Variants in SLC9C2 observed in about 807,000 individuals in gnomAD.
SLC9C2 encodes the protein sodium/hydrogen exchanger 11.
A neutral mutation model predicts 140.2 loss-of-function variants in SLC9C2; 75 were observed. The ratio of observed to expected loss-of-function variants is 0.53; its 90% CI spans 0.44 to 0.65. The LOEUF is 0.65. Among genes scored for constraint, SLC9C2 ranks in the 30% least tolerant of loss-of-function variants. SLC9C2 has a pLI of 0.00. For synonymous variants in SLC9C2, 375 were observed against 420.9 expected, an observed-to-expected ratio of 0.89 and a Z score of 1.34; for missense variants, 1,074 against 1,331.8, an observed-to-expected ratio of 0.81 and a Z score of 3.01.
chr1:173,587,731 G>C lies in SLC9C2; in HGVS notation c.457C>G (p.Leu153Val), dbSNP rs114806379. 2 of 1,613,328 alleles carry C rather than the reference G, an allele frequency of 1.2e-6. No homozygotes were observed. Among genetic ancestry groups the C allele is most frequent in the African/African-American group, 2.7e-5 (2 of 74,886 alleles). ...ATGCCAAGGGTGATGCTAAAGAGTA[G>C]GCAAGATTGCAAATCCCATGAATCT... ...NKDSWDLQSC[L>V]LFSITLGIID... The change falls in exon 5 of 28, where the codon CTA (leucine) becomes GTA (valine). Residue 153 changes from leucine (L) to valine (V), a missense_variant. By Grantham distance (32) the Leu-to-Val change is conservative. Transcript: ENST00000367714.
Position 173,548,443 on chromosome 1 carries a change from C to T in SLC9C2, c.1407G>A (p.Leu469=). Residue 469 remains leucine (L), a synonymous_variant, in exon 12 of 28, where the codon TTG becomes TTA. Transcript: ENST00000367714. The stretch of plus-strand genomic sequence containing the variant: ...CTACTAAGGTCCAGTTAACATTTGT[C>T]AAAATTTTTTCTGTTTTAAATAAAG... ...TITLFKTEKI[L]TNVNWTLVED... is the part of the protein sequence containing the mutation. 1 of 1,613,672 alleles carries T rather than the reference C, an allele frequency of 6.2e-7. No individual in the cohort carries two copies. Among genetic ancestry groups the T allele is most frequent in the Non-Finnish European group, 8.5e-7 (1 of 1,179,746 alleles).
chr1:173,583,364 AT>A (rs937318778), intron 6 of SLC9C2, 141 bp downstream of exon 6: 23 of 517,984 alleles, frequency 4.4e-5, no homozygotes, highest in African/African-American at 9.9e-5. Context: ...GTCAACTATG[AT>A]TTTTTTCTTG....
intron 13 of SLC9C2, among the ~76,000 whole-genome samples, chr1:173,537,379 G>A (rs887018058): frequency 1.3e-5 from 2 of 151,896 alleles, no homozygotes; most frequent in East Asian, 1.9e-4. Flanking sequence ...TGGGCAACAC[G>A]GTGAAACCCC....
chr1:173,558,523 A>C (rs975725326), intron 9 of SLC9C2, among the ~76,000 whole-genome samples: 12 of 152,226 alleles, frequency 7.9e-5, no homozygotes, highest in African/African-American at 2.9e-4. Context: ...TAAGCAAGTT[A>C]ATCTCTCTGT....
In SLC9C2 at chr1:173,523,982, A is replaced by G. The variant is rs889086234; in HGVS notation, c.2627T>C (p.Ile876Thr). 1.9e-6 allele frequency: 3 copies of G among 1,610,844 alleles called. No individual in the cohort carries two copies. Among genetic ancestry groups the G allele is most frequent in the African/African-American group, 2.7e-5 (2 of 74,774 alleles). Reference protein sequence around the residue: ...IIWLEGKDVLIDFFKERAKLA... With the variant: ...IIWLEGKDVLTDFFKERAKLA... ...CGGAATCTTTACCTTGAAGAAGTCA[A>G]TGAGAACATCTTTACCTTCCAGCCA... The change falls in exon 21 of 28, where the codon ATT (isoleucine) becomes ACT (threonine). Residue 876 changes from isoleucine to threonine, a missense_variant. Physicochemically the swap from Ile to Thr is moderately conservative, Grantham distance 89 (BLOSUM62 -1). Transcript: ENST00000367714.
chr1:173,523,151 C>A (rs560219019), intron 21 of SLC9C2, among the ~76,000 whole-genome samples: 48 of 152,198 alleles, frequency 3.2e-4, no homozygotes, highest in African/African-American at 1.0e-3. Context: ...GCGGGTGGAT[C>A]ACTTGAAGTA....
chr1:173,506,478 A>G (rs1324064987), intron 25 of SLC9C2, among the ~76,000 whole-genome samples: 1 of 152,158 alleles, frequency 6.6e-6, no homozygotes, highest in Non-Finnish European at 1.5e-5. Context: ...TGTGGCCCCT[A>G]CTCTACTCCT....
chr1:173,517,313 G>A (rs1660489836), intron 23 of SLC9C2, among the ~76,000 whole-genome samples: 1 of 152,026 alleles, frequency 6.6e-6, no homozygotes, highest in African/African-American at 2.4e-5. Context: ...CATAAACAAG[G>A]ACACTGAGAC....
At chr1:173,555,161 G>A (rs1309080933) in intron 10 of SLC9C2, 4 of 178,422 alleles carry the variant, frequency 2.2e-5, no homozygotes, top group African/African-American at 9.5e-5. Flanking sequence ...GAACCTGCAG[G>A]GTGGGGAGAA....
At chr1:173,561,125 GA>G (rs1664075024) in intron 9 of SLC9C2, among the ~76,000 whole-genome samples, 1 of 152,118 alleles carries the variant, frequency 6.6e-6, no homozygotes, top group Non-Finnish European at 1.5e-5. Flanking sequence ...CCTCCCATAT[GA>G]AGCTTATCTT....
intron 23 of SLC9C2, among the ~76,000 whole-genome samples, chr1:173,513,401 T>C (rs191006215): frequency 1.1e-4 from 16 of 152,324 alleles, no homozygotes; most frequent in African/African-American, 3.8e-4. Flanking sequence ...GGAGAGTGTA[T>C]GTGTCCAAGA....
chr1:173,601,152 C>A (rs1666754746), intron 2 of SLC9C2, among the ~76,000 whole-genome samples: 1 of 152,108 alleles, frequency 6.6e-6, no homozygotes, highest in African/African-American at 2.4e-5. Context: ...ACACCAAAAG[C>A]CATAATAAAA....
At chr1:173,574,323 C>G (rs1467272590) in intron 8 of SLC9C2, among the ~76,000 whole-genome samples, 1 of 152,122 alleles carries the variant, frequency 6.6e-6, no homozygotes, top group Non-Finnish European at 1.5e-5. Flanking sequence ...AAATCATGTT[C>G]TTCGATACAC....
intron 7 of SLC9C2, among the ~76,000 whole-genome samples, chr1:173,578,768 A>C (rs1356769031): frequency 6.6e-6 from 1 of 152,178 alleles, no homozygotes; most frequent in Non-Finnish European, 1.5e-5. Context: ...GTCTTCACAT[A>C]ATCTTCCCTC....
At chr1:173,563,934 A>G (rs1334660466) in intron 9 of SLC9C2, among the ~76,000 whole-genome samples, 1 of 152,140 alleles carries the variant, frequency 6.6e-6, no homozygotes, top group African/African-American at 2.4e-5. Flanking sequence ...TACATCCCAC[A>G]AATAAGTGAA....
Position 173,573,221 on chromosome 1 carries a change from G to C in SLC9C2, c.1007C>G (p.Pro336Arg). ...TGTTGTAAATAAAATGAATATGAAA[G>C]GTATAGTGTGAAATTCATAGTGGCT... Reference protein sequence around the residue: ...ELSHYEFHTIPFIFILFTTVN... With the variant: ...ELSHYEFHTIRFIFILFTTVN... The change falls in exon 9 of 28, where the codon CCT becomes CGT. Residue 336 changes from proline to arginine, a missense_variant. Physicochemically the swap from Pro to Arg is moderately radical, Grantham distance 103. Coordinates refer to ENST00000367714, the MANE Select transcript of SLC9C2 (RefSeq NM_178527.4). 6.4e-7 allele frequency: 1 copy of C among 1,569,320 alleles called. No individual in the cohort carries two copies. The highest frequency in any genetic ancestry group is 8.7e-7 in the Non-Finnish European group (1 of 1,144,858).
intron 17 of SLC9C2, among the ~76,000 whole-genome samples, chr1:173,533,302 G>C (rs973702720): frequency 2.6e-5 from 4 of 152,038 alleles, no homozygotes; most frequent in Non-Finnish European, 4.4e-5. Flanking sequence ...TCTGTCACCA[G>C]AGCCATCATT....
At chr1:173,570,979 T>G (rs1027145479) in intron 9 of SLC9C2, among the ~76,000 whole-genome samples, 1 of 152,200 alleles carries the variant, frequency 6.6e-6, no homozygotes, top group Admixed American at 6.5e-5. Flanking sequence ...CTTTCTGCAA[T>G]ATGAATTTTA....
chr1:173,545,216 T>C (rs1662756301), intron 13 of SLC9C2, among the ~76,000 whole-genome samples: 1 of 152,144 alleles, frequency 6.6e-6, no homozygotes, highest in Non-Finnish European at 1.5e-5. Context: ...AAAGAAACTG[T>C]GAAGTGGGGC....
Sources: gnomAD v4.1 joint callset for allele counts (sites outside exome capture counted in the v4.1 genomes callset) on GRCh38, gnomAD v4.1.1 for gene constraint, MANE v1.5 for transcripts, NCBI Gene and HGNC (gene_info 2026-07-23, HGNC 2026-07-21) for gene names.